Variants in FAM222B observed in about 807,000 individuals in gnomAD.
FAM222B encodes the protein family with sequence similarity 222 member B.
Under a neutral mutation model 38.0 loss-of-function variants are expected in FAM222B, and 12 were observed. The observed-to-expected ratio is 0.32, with a 90% CI of 0.20 to 0.51. The LOEUF (loss-of-function observed/expected upper bound fraction) is 0.51, where lower values mean the gene tolerates loss of function less well. Among genes scored for constraint, FAM222B ranks in the 20% least tolerant of loss-of-function variants. FAM222B has a pLI of 0.97. For missense variants in FAM222B, 716 were observed against 754.2 expected, an observed-to-expected ratio of 0.95 and a Z score of 0.59; for synonymous variants, 329 against 317.2, an observed-to-expected ratio of 1.04 and a Z score of -0.40.
chr17:28,784,752 C>A (rs2036325362), intron 1 of FAM222B, among the ~76,000 whole-genome samples: 2 of 151,926 alleles, frequency 1.3e-5, no homozygotes, highest in Non-Finnish European at 2.9e-5. Flanking sequence ...ATTGCTTGAA[C>A]CCAGGAGATG....
intron 1 of FAM222B, among the ~76,000 whole-genome samples, chr17:28,842,379 C>G (rs1339902592): frequency 1.3e-5 from 2 of 152,082 alleles, no homozygotes; most frequent in Non-Finnish European, 2.9e-5. Context: ...ACCCTCCCCC[C>G]GCAATCATTC....
At chr17:28,842,213 C>T (rs530899186) in intron 1 of FAM222B, among the ~76,000 whole-genome samples, 1 of 152,170 alleles carries the variant, frequency 6.6e-6, no homozygotes, top group East Asian at 1.9e-4. Context: ...ACTCTAAGCC[C>T]CTAGCTCTTT....
At chr17:28,804,924 T>C (rs893584411) in intron 1 of FAM222B, among the ~76,000 whole-genome samples, 1 of 151,602 alleles carries the variant, frequency 6.6e-6, no homozygotes, top group Admixed American at 6.6e-5. Context: ...CAGGCACCTA[T>C]AGTCCCAGCT....
intron 1 of FAM222B, among the ~76,000 whole-genome samples, chr17:28,818,193 G>A (rs2038091302): frequency 6.6e-6 from 1 of 151,852 alleles, no homozygotes; most frequent in Non-Finnish European, 1.5e-5. Context: ...TCGTGCCACA[G>A]CACTCCAAGC....
intron 1 of FAM222B, among the ~76,000 whole-genome samples, chr17:28,810,375 G>A (rs2037697754): frequency 1.3e-5 from 2 of 151,794 alleles, no homozygotes; most frequent in Non-Finnish European, 2.9e-5. Context: ...AGCTAACTCT[G>A]TTTTATATAC....
At chr17:28,798,048 C>T (rs566580046) in intron 1 of FAM222B, among the ~76,000 whole-genome samples, 3 of 151,448 alleles carry the variant, frequency 2.0e-5, no homozygotes, top group South Asian at 4.2e-4. Flanking sequence ...CAGTGAGACC[C>T]GGTCCCCCAG....
intron 1 of FAM222B, among the ~76,000 whole-genome samples, chr17:28,826,558 G>A (rs1260053313): frequency 6.6e-6 from 1 of 151,754 alleles, no homozygotes; most frequent in Admixed American, 6.6e-5. Context: ...GTGCATGCTT[G>A]TAATCTGAGC....
chr17:28,847,239 A>G (rs1336201230), upstream of FAM222B, among the ~76,000 whole-genome samples: 1 of 151,586 alleles, frequency 6.6e-6, no homozygotes, highest in Non-Finnish European at 1.5e-5. Flanking sequence ...AAAAAGAAAA[A>G]GAAAAAATCT....
chr17:28,824,070 G>C (rs748923261), intron 1 of FAM222B, among the ~76,000 whole-genome samples: 1 of 151,832 alleles, frequency 6.6e-6, no homozygotes, highest in Non-Finnish European at 1.5e-5. Context: ...GCAGAGACAG[G>C]GTTTCACCGT....
At chr17:28,801,503 C>T (rs2037228452) in intron 1 of FAM222B, among the ~76,000 whole-genome samples, 1 of 149,156 alleles carries the variant, frequency 6.7e-6, no homozygotes, top group Non-Finnish European at 1.5e-5. Context: ...GTAAGATAAG[C>T]AAAAGCCAAA....
chr17:28,776,269 C>CG (rs2035891154), intron 1 of FAM222B, among the ~76,000 whole-genome samples: 1 of 140,108 alleles, frequency 7.1e-6, no homozygotes. Context: ...CCCAGCTACT[C>CG]GGGAGGCTGA....
At chr17:28,848,938 T>C (rs2039163301) in intron 1 of FAM222B, 2 of 151,864 alleles carry the variant, frequency 1.3e-5, no homozygotes, top group African/African-American at 4.8e-5. Flanking sequence ...GCAGCACTGA[T>C]TCCCCACCAG....
chr17:28,829,467 C>T (rs1422551387), intron 1 of FAM222B, among the ~76,000 whole-genome samples: 1 of 152,110 alleles, frequency 6.6e-6, no homozygotes, highest in Admixed American at 6.6e-5. Flanking sequence ...CCACTGCGCC[C>T]GGCCCACTGT....
intron 1 of FAM222B, among the ~76,000 whole-genome samples, chr17:28,783,653 G>A (rs905682308): frequency 6.6e-6 from 1 of 151,968 alleles, no homozygotes; most frequent in African/African-American, 2.4e-5. Context: ...GGGATTACAG[G>A]CACGCACCAG....
At chr17:28,852,071 TAAAA>T (rs1322426736) in intron 1 of FAM222B, among the ~76,000 whole-genome samples, 3 of 150,738 alleles carry the variant, frequency 2.0e-5, no homozygotes, top group Non-Finnish European at 4.4e-5. Context: ...TTTTTTTAAT[TAAAA>T]AAAGCAACGT....
rs774986455 is a variant in FAM222B at position 28,849,831 on chromosome 17, C to T, written c.-41+5119G>A. 3.8e-4 allele frequency among the ~76,000 whole-genome samples: 58 copies of T among 152,090 alleles called. 2 individuals are homozygous for T. The highest frequency in any genetic ancestry group is 8.4e-4 in the Non-Finnish European group (57 of 68,012). On this transcript the variant is annotated intron_variant, in intron 1 of 2. Transcript: ENST00000577513. ...GCGCAGTGGCTCACGCCTGTAATCCCAGCACTTTGGGAGGCCGAGGAGGGC... is the reference window on the plus strand; with the variant it reads ...GCGCAGTGGCTCACGCCTGTAATCCTAGCACTTTGGGAGGCCGAGGAGGGC...
intron 1 of FAM222B, among the ~76,000 whole-genome samples, chr17:28,769,171 GTTCT>G (rs1230242788): frequency 2.9e-5 from 3 of 102,118 alleles, no homozygotes; most frequent in African/African-American, 9.3e-5. Flanking sequence ...AGCAATGTTA[GTTCT>G]TTTTTTTTTT....
chr17:28,800,853 G>GAAAAAAAAA (rs534314851), intron 1 of FAM222B, among the ~76,000 whole-genome samples: 1 of 111,056 alleles, frequency 9.0e-6, no homozygotes, highest in African/African-American at 3.6e-5. Context: ...ACATTTTGTT[G>GAAAAAAAAA]AAAAAAAAAA....
chr17:28,779,340 A>G (rs1038816003), intron 1 of FAM222B, among the ~76,000 whole-genome samples: 2 of 152,212 alleles, frequency 1.3e-5, no homozygotes, highest in Non-Finnish European at 2.9e-5. Context: ...ACCATGATCA[A>G]GTGAGATTTA....
Sources: allele counts gnomAD v4.1 joint callset (sites outside exome capture counted in the v4.1 genomes callset), GRCh38; gene constraint gnomAD v4.1.1; transcripts MANE v1.5; gene names NCBI Gene and HGNC (gene_info 2026-07-23, HGNC 2026-07-21).